SNX29: variants seen among roughly 807,000 people sequenced by gnomAD.
SNX29 encodes the protein sorting nexin-29.
SNX29 carries 78 observed loss-of-function variants against 102.1 expected under a neutral mutation model. That is an observed-to-expected ratio of 0.76 (90% CI 0.64 to 0.92). The LOEUF (loss-of-function observed/expected upper bound fraction) is 0.92, where lower values mean the gene tolerates loss of function less well. Among genes scored for constraint, SNX29 ranks in the 40% least tolerant of loss-of-function variants. The pLI, the probability that SNX29 is intolerant of heterozygous loss-of-function variation, is 0.00. For missense variants in SNX29, 1,280 were observed against 1,061.7 expected, an observed-to-expected ratio of 1.21 and a Z score of -2.86; for synonymous variants, 580 against 414.5, an observed-to-expected ratio of 1.40 and a Z score of -4.85.
At chr16:12,095,019 C>T (rs2052710946) in intron 11 of SNX29, 1 of 152,138 alleles carries the variant, frequency 6.6e-6, no homozygotes, top group African/African-American at 2.4e-5. Flanking sequence ...GCCATCACTC[C>T]TGCAATGAAG....
In SNX29 at chr16:11,976,803, C is replaced by A; in HGVS notation, c.-4C>A. On this transcript the variant is annotated 5_prime_UTR_variant, in exon 1 of 21. Coordinates refer to ENST00000566228, the MANE Select transcript of SNX29 (RefSeq NM_032167.5). ...GCGCAGGCACCGGCCCGGGGAGAGG[C>A]ACCATGAGCGGTGAGTGGCGGCCCC... 1 of 1,380,576 alleles carries A rather than the reference C, an allele frequency of 7.2e-7. No individual in the cohort carries two copies. 85.5% of individuals were successfully genotyped at this position (1,380,576 alleles called of 1,614,324 possible).
chr16:12,395,891 T>A lies in SNX29; in HGVS notation c.1900-2555T>A, dbSNP rs537278480. ...GAAAGACAGCAAGAAAAGACAAAAT[T>A]TGATGTTGAGTAAGCTCGGCCTTTA... On this transcript the variant is annotated intron_variant, in intron 16 of 20. Transcript: ENST00000566228. Among the ~76,000 whole-genome samples, 3 of 152,340 alleles carry A rather than the reference T, an allele frequency of 2.0e-5. No homozygotes were observed. In the East Asian group the frequency reaches 5.8e-4, roughly 29 times the overall value.
chr16:12,053,533 A>G (rs1221048318), intron 8 of SNX29, among the ~76,000 whole-genome samples: 2 of 152,166 alleles, frequency 1.3e-5, no homozygotes, highest in Non-Finnish European at 2.9e-5. Context: ...TGTCTCTACA[A>G]AAAAATAAAA....
At chr16:12,073,584 C>A (rs1047848987) in intron 10 of SNX29, among the ~76,000 whole-genome samples, 36 of 152,058 alleles carry the variant, frequency 2.4e-4, no homozygotes, top group Non-Finnish European at 3.8e-4. Flanking sequence ...AGCTTTACTT[C>A]CAACTATGTG....
At chr16:12,407,873 C>T (rs2084230253) in intron 18 of SNX29, among the ~76,000 whole-genome samples, 2 of 152,200 alleles carry the variant, frequency 1.3e-5, no homozygotes, top group African/African-American at 4.8e-5. Flanking sequence ...CCAGCAGCTC[C>T]AGAGGCTGAG....
chr16:12,166,183 A>G (rs1195245468), intron 13 of SNX29, among the ~76,000 whole-genome samples: 1 of 152,242 alleles, frequency 6.6e-6, no homozygotes, highest in East Asian at 1.9e-4. Context: ...CATTGATGAA[A>G]CAAACATTTA....
chr16:12,549,443 T>C (rs8057255), intron 20 of SNX29, among the ~76,000 whole-genome samples: 73,435 of 152,022 alleles, frequency 0.48, 19,386 homozygotes, highest in East Asian at 0.79. Context: ...TGCAGTGACC[T>C]AAGATTGCAC....
At chr16:12,215,561 G>T (rs909440191) in intron 14 of SNX29, among the ~76,000 whole-genome samples, 2 of 152,096 alleles carry the variant, frequency 1.3e-5, no homozygotes, top group African/African-American at 2.4e-5. Context: ...GCTCCAGAGG[G>T]GGGTGCCTGG....
At chr16:12,512,299 C>CCTTGAGTG (rs1444611358) in intron 19 of SNX29, among the ~76,000 whole-genome samples, 5 of 143,240 alleles carry the variant, frequency 3.5e-5, no homozygotes, top group African/African-American at 1.3e-4. Flanking sequence ...TGGTGAGGGC[C>CCTTGAGTG]CTTGAGTGCT....
intron 13 of SNX29, among the ~76,000 whole-genome samples, chr16:12,175,845 A>G (rs1180322042): frequency 6.6e-6 from 1 of 152,026 alleles, no homozygotes; most frequent in Non-Finnish European, 1.5e-5. Context: ...TGTTTCTACA[A>G]AAATAATTAA....
chr16:12,099,533 C>A (rs1481369543), intron 11 of SNX29, among the ~76,000 whole-genome samples: 1 of 152,156 alleles, frequency 6.6e-6, no homozygotes, highest in African/African-American at 2.4e-5. Flanking sequence ...GCAGATGCAG[C>A]CTGTCTGAGG....
At position 12,091,808 on chromosome 16, in the gene SNX29, C is replaced by T. The variant is rs372136638; in HGVS notation, c.1402+12893C>T. Among the ~76,000 whole-genome samples the T allele has an allele frequency of 2.8e-4, 42 of 151,044 alleles. 1 individual carries two copies. The highest frequency in any genetic ancestry group is 9.2e-4 in the African/African-American group (38 of 41,102). On this transcript the variant is annotated intron_variant, in intron 11 of 20. Coordinates refer to ENST00000566228, the MANE Select transcript of SNX29 (RefSeq NM_032167.5). ...AAAAAAAAAAAGGGACCCCAGAGAC[C>T]TTGTTTACCCTTTCTGCCATGTAAT...
rs962486433 is a variant in SNX29, at chr16:12,061,459, T to C, written c.1125-69T>C. The C allele has an allele frequency of 1.7e-5, 22 of 1,300,342 alleles. No homozygotes were observed. The African/African-American group carries it at 1.9e-4, about 11-fold the overall frequency. The allele number at this position is 1,300,342 out of a possible 1,614,324, so 80.6% of individuals were successfully genotyped here. On this transcript the variant is annotated intron_variant, in intron 8 of 20. Transcript: ENST00000566228. ...TTAGTTCTCAGGAGGGTGCTGTGGA[T>C]GCTTGTTGGTGAGTCATGCGGCCTG... is the stretch of plus-strand genomic sequence containing the variant.
At chr16:12,523,441 G>T (rs934901788) in intron 19 of SNX29, among the ~76,000 whole-genome samples, 1 of 152,168 alleles carries the variant, frequency 6.6e-6, no homozygotes, top group African/African-American at 2.4e-5. Context: ...GGAGCATGAC[G>T]GTCTCAGAGA....
Position 12,573,147 on chromosome 16 carries a change from C to T in SNX29, c.*4518C>T, listed in dbSNP as rs774581362. 2.2e-5 allele frequency: 5 copies of T among 226,596 alleles called. No individual in the cohort carries two copies. The highest frequency in any genetic ancestry group is 1.8e-4 in the South Asian group (1 of 5,480). 14.0% of individuals were successfully genotyped at this position (226,596 alleles called of 1,614,324 possible). A position where few individuals can be genotyped will look rare whatever the true frequency, so the allele number is the denominator to read the frequency against. On this transcript the variant is annotated 3_prime_UTR_variant, in exon 21 of 21. Coordinates refer to ENST00000566228, the MANE Select transcript of SNX29 (RefSeq NM_032167.5). Reference sequence around the variant, plus strand: ...TGATCTTGTTTCCAAAATAAAGCTTCAGCTCCTTGGTCAATAGAAGTAAGG... The same window carrying T: ...TGATCTTGTTTCCAAAATAAAGCTTTAGCTCCTTGGTCAATAGAAGTAAGG...
chr16:12,017,903 CTTTTG>C (rs910841901), intron 3 of SNX29, among the ~76,000 whole-genome samples: 3 of 151,782 alleles, frequency 2.0e-5, no homozygotes, highest in Admixed American at 2.0e-4. Flanking sequence ...GGGGGGCTTT[CTTTTG>C]TTTTGTTCTT....
At position 12,056,042 on chromosome 16, in the gene SNX29, C is replaced by T. The variant is rs1465901085; in HGVS notation, c.1124+3820C>T. 5.3e-5 allele frequency among the ~76,000 whole-genome samples: 8 copies of T among 152,144 alleles called. No homozygotes were observed. In the East Asian group the frequency reaches 7.7e-4, roughly 15 times the overall value. On this transcript the variant is annotated intron_variant, in intron 8 of 20. Transcript: ENST00000566228. ...GACTACAGGAGTGTGCCACTATACCCGGCTAATTTTTGTATTTTTAATAGA... is the reference window on the plus strand; with the variant it reads ...GACTACAGGAGTGTGCCACTATACCTGGCTAATTTTTGTATTTTTAATAGA...
rs145229793 is a variant in SNX29 at position 12,178,082 on chromosome 16, T to G, written c.1596-21519T>G. The stretch of plus-strand genomic sequence containing the variant: ...GTAAATGCTCTATGTCATCTTAGTT[T>G]TCATATGATCAATAGTCACTAGACA... On this transcript the variant is annotated intron_variant, in intron 13 of 20. Coordinates refer to ENST00000566228, the MANE Select transcript of SNX29 (RefSeq NM_032167.5). 2.4e-4 allele frequency among the ~76,000 whole-genome samples: 37 copies of G among 152,304 alleles called. 1 individual carries two copies. The East Asian group carries it at 6.8e-3, about 28-fold the overall frequency.
intron 20 of SNX29, among the ~76,000 whole-genome samples, chr16:12,525,470 C>G (rs1010871896): frequency 4.6e-5 from 7 of 151,998 alleles, no homozygotes; most frequent in African/African-American, 1.4e-4. Context: ...GTCGGGAGTT[C>G]GAGACCAGCA....
Sources: gnomAD v4.1 joint callset for allele counts (sites outside exome capture counted in the v4.1 genomes callset) on GRCh38, gnomAD v4.1.1 for gene constraint, MANE v1.5 for transcripts, NCBI Gene and HGNC (gene_info 2026-07-23, HGNC 2026-07-21) for gene names.